Variants in TUSC3 observed in about 807,000 individuals in gnomAD.
TUSC3 encodes tumor suppressor candidate 3, also known as dolichyl-diphosphooligosaccharide--protein glycosyltransferase subunit TUSC3.
In TUSC3, 45 loss-of-function variants were observed where a neutral mutation model predicts 44.8. The observed-to-expected ratio is 1.00, with a 90% CI of 0.79 to 1.29. TUSC3 has a LOEUF of 1.29. Among genes scored for constraint, TUSC3 ranks in the 50% most tolerant of loss-of-function variants. The probability of loss-of-function intolerance (pLI) is 0.00; values close to 1 mark genes in which losing one functional copy is unlikely to be tolerated. For missense variants in TUSC3, 519 were observed against 437.9 expected, an observed-to-expected ratio of 1.19 and a Z score of -1.65; for synonymous variants, 212 against 152.9, an observed-to-expected ratio of 1.39 and a Z score of -2.85.
At chr8:15,708,454 C>G (rs1332970185) in intron 6 of TUSC3, among the ~76,000 whole-genome samples, 2 of 151,918 alleles carry the variant, frequency 1.3e-5, no homozygotes, top group Non-Finnish European at 1.5e-5. Flanking sequence ...AAAGACTAGT[C>G]TGAAGACAGA....
intron 1 of TUSC3, among the ~76,000 whole-genome samples, chr8:15,548,271 T>G (rs2129135413): frequency 6.6e-6 from 1 of 151,940 alleles, no homozygotes; most frequent in Non-Finnish European, 1.5e-5. Context: ...AGTAGATTGG[T>G]TTGGTTTAAG....
chr8:15,541,353 C>A (rs1801685038), intron 1 of TUSC3, among the ~76,000 whole-genome samples: 1 of 152,112 alleles, frequency 6.6e-6, no homozygotes, highest in African/African-American at 2.4e-5. Flanking sequence ...GCTGCTTCAG[C>A]AAAAATAGTT....
chr8:15,792,144 A>C, the TUSC3 span, among the ~76,000 whole-genome samples: 6 of 140,464 alleles, frequency 4.3e-5, no homozygotes, highest in South Asian at 2.3e-4. Context: ...ACACACACAC[A>C]CCCTCTACCC....
intron 6 of TUSC3, among the ~76,000 whole-genome samples, chr8:15,717,214 GA>G (rs979227881): frequency 6.6e-6 from 1 of 151,998 alleles, no homozygotes. Context: ...CAGAATTTTA[GA>G]AAAAAACTTC....
chr8:15,506,649 C>A (rs1253040589), intron 2 of TUSC3, among the ~76,000 whole-genome samples: 1 of 152,100 alleles, frequency 6.6e-6, no homozygotes, highest in African/African-American at 2.4e-5. Context: ...AGGGGAAGTG[C>A]CTTTATAAAA....
At chr8:15,656,578 C>G (rs972811093) in intron 3 of TUSC3, among the ~76,000 whole-genome samples, 2 of 152,162 alleles carry the variant, frequency 1.3e-5, no homozygotes, top group Non-Finnish European at 2.9e-5. Flanking sequence ...ACCCTCAAGG[C>G]CTTGGGCAGC....
intron 2 of TUSC3, among the ~76,000 whole-genome samples, chr8:15,637,243 AT>A (rs34424247): frequency 0.18 from 27,540 of 151,886 alleles, 2,489 homozygotes; most frequent in South Asian, 0.26. Context: ...TTAAACTTTT[AT>A]TTTGTTTTTG....
intron 1 of TUSC3, among the ~76,000 whole-genome samples, chr8:15,554,982 C>T (rs925405395): frequency 2.6e-5 from 4 of 151,166 alleles, no homozygotes; most frequent in East Asian, 2.0e-4. Context: ...GCTGCTAAAT[C>T]GTGTGAAGGG....
intron 2 of TUSC3, among the ~76,000 whole-genome samples, chr8:15,506,686 C>T (rs1801055346): frequency 6.6e-6 from 1 of 152,160 alleles, no homozygotes; most frequent in Non-Finnish European, 1.5e-5. Flanking sequence ...GACTTATTCA[C>T]TATCACGAGA....
intron 1 of TUSC3, among the ~76,000 whole-genome samples, chr8:15,618,343 A>T (rs1053357192): frequency 1.3e-5 from 2 of 152,208 alleles, no homozygotes. Flanking sequence ...GTTAGCTTAA[A>T]ATACAAACAC....
intron 1 of TUSC3, among the ~76,000 whole-genome samples, chr8:15,482,340 A>G (rs1800673968): frequency 6.6e-6 from 1 of 152,188 alleles, no homozygotes; most frequent in South Asian, 2.1e-4. Flanking sequence ...ATTTCCTTTC[A>G]TGAATCACAA....
At chr8:15,453,263 A>G (rs900721991) in intron 1 of TUSC3, among the ~76,000 whole-genome samples, 2 of 152,102 alleles carry the variant, frequency 1.3e-5, no homozygotes, top group South Asian at 4.1e-4. Flanking sequence ...ATTATTTTCA[A>G]ATTTTAACCA....
At chr8:15,419,920 C>G (rs73665405) in intron 1 of TUSC3, among the ~76,000 whole-genome samples, 16,907 of 151,984 alleles carry the variant, frequency 0.11, 1,080 homozygotes, top group African/African-American at 0.18. Flanking sequence ...AATCTTTATT[C>G]TTAGATTCCC....
intron 1 of TUSC3, among the ~76,000 whole-genome samples, chr8:15,477,728 AAATAAT>A (rs942191272): frequency 1.3e-5 from 2 of 152,102 alleles, no homozygotes; most frequent in Admixed American, 6.5e-5. Context: ...CTCAAAAAAC[AAATAAT>A]AATAATTATA....
intron 1 of TUSC3, among the ~76,000 whole-genome samples, chr8:15,547,726 G>C (rs1412318013): frequency 6.6e-6 from 1 of 151,292 alleles, no homozygotes; most frequent in African/African-American, 2.4e-5. Context: ...AATTAGATTA[G>C]TGCCCTTATA....
At chr8:15,574,441 T>C (rs1378540261) in intron 1 of TUSC3, among the ~76,000 whole-genome samples, 1 of 152,188 alleles carries the variant, frequency 6.6e-6, no homozygotes, top group Admixed American at 6.5e-5. Context: ...CTCTCATTTA[T>C]TCCCTAAAAC....
chr8:15,474,255 C>T (rs1585058046), intron 1 of TUSC3, among the ~76,000 whole-genome samples: 1 of 152,206 alleles, frequency 6.6e-6, no homozygotes, highest in East Asian at 1.9e-4. Flanking sequence ...TCAAGGTGAA[C>T]TGATTTCATA....
chr8:15,622,819 T>G (rs11994654), intron 1 of TUSC3, among the ~76,000 whole-genome samples: 4 of 151,612 alleles, frequency 2.6e-5, no homozygotes, highest in African/African-American at 9.7e-5. Flanking sequence ...TCTTTTTTTT[T>G]ATGTCAACCC....
At chr8:15,551,425 C>G (rs1426697735) in intron 1 of TUSC3, among the ~76,000 whole-genome samples, 1 of 151,586 alleles carries the variant, frequency 6.6e-6, no homozygotes, top group African/African-American at 2.4e-5. Flanking sequence ...TATAAAGAAG[C>G]CTAAATAACG....
Sources: gnomAD v4.1 joint callset for allele counts (sites outside exome capture counted in the v4.1 genomes callset) on GRCh38, gnomAD v4.1.1 for gene constraint, MANE v1.5 for transcripts, NCBI Gene and HGNC (gene_info 2026-07-23, HGNC 2026-07-21) for gene names.